The following CPLANE1 variants were observed in gnomAD, a reference collection of about 807,000 sequenced individuals.
The protein encoded by CPLANE1 is ciliogenesis and planar polarity effector complex subunit 1.
Under a neutral mutation model 362.5 loss-of-function variants are expected in CPLANE1, and 263 were observed. The ratio of observed to expected loss-of-function variants is 0.73; its 90% CI spans 0.66 to 0.80. The LOEUF (loss-of-function observed/expected upper bound fraction) is 0.80, where lower values mean the gene tolerates loss of function less well. Among genes scored for constraint, CPLANE1 ranks in the 30% least tolerant of loss-of-function variants. The pLI is 0.00. For missense variants in CPLANE1, 3,461 were observed against 3,793.4 expected (o/e 0.91, Z 2.30); for synonymous variants, 1,212 against 1,302.6 (o/e 0.93, Z 1.50).
In CPLANE1 at chr5:37,129,185, G is replaced by A. The variant is rs979497444; in HGVS notation, c.8793-3776C>T. Reference sequence around the variant, plus strand: ...CACTCTATTCAACAAATGGTGCTGGGATAATTGGCAAGCCACATGTAGAAG... The same window carrying A: ...CACTCTATTCAACAAATGGTGCTGGAATAATTGGCAAGCCACATGTAGAAG... On this transcript the variant is annotated intron_variant, in intron 46 of 52. Coordinates refer to ENST00000651892, the MANE Select transcript of CPLANE1 (RefSeq NM_001384732.1). 7.2e-5 allele frequency among the ~76,000 whole-genome samples: 11 copies of A among 152,170 alleles called. 1 individual carries two copies. The highest frequency in any genetic ancestry group is 3.3e-4 in the Admixed American group (5 of 15,286).
At chr5:37,165,034 AG>A (rs1561461507) in intron 36 of CPLANE1, among the ~76,000 whole-genome samples, 1 of 152,170 alleles carries the variant, frequency 6.6e-6, no homozygotes, top group East Asian at 1.9e-4. Context: ...CGAGCCCAGG[AG>A]GTAGAGGCTG....
chr5:37,242,908 G>A (rs1056993475), intron 6 of CPLANE1, 105 bp downstream of exon 6: 1 of 697,090 alleles, frequency 1.4e-6, no homozygotes, highest in Non-Finnish European at 2.4e-6. Context: ...AGGAGGCTGA[G>A]CTATGATTGT....
rs1377687869 is a variant in CPLANE1, at chr5:37,148,179, A to G, written c.8461+2T>C. The G allele has an allele frequency of 6.2e-7, 1 of 1,610,962 alleles. No homozygotes were observed. The highest frequency in any genetic ancestry group is 8.5e-7 in the Non-Finnish European group (1 of 1,178,038). On this transcript the variant is annotated splice_donor_variant, in intron 43 of 52. Coordinates refer to ENST00000651892, the MANE Select transcript of CPLANE1 (RefSeq NM_001384732.1). LOFTEE classifies it high-confidence loss of function. The stretch of plus-strand genomic sequence containing the variant: ...AGCCAGCCCCTATCAGCCCCTACAA[A>G]CCTTCTTCAGAAATGCTAATGGTTT...
the CPLANE1 span, chr5:37,085,470 G>A: frequency 3.4e-5 from 28 of 832,822 alleles, no homozygotes; most frequent in Non-Finnish European, 5.6e-5. Flanking sequence ...CCCTCATCTG[G>A]TGACTCATGA....
the CPLANE1 span, among the ~76,000 whole-genome samples, chr5:37,083,095 A>G: frequency 6.6e-6 from 1 of 152,176 alleles, no homozygotes. Context: ...GACAGTTCAC[A>G]TCACAGGACT....
At chr5:37,122,837 C>T (rs1191903323) in intron 47 of CPLANE1, among the ~76,000 whole-genome samples, 2 of 151,824 alleles carry the variant, frequency 1.3e-5, no homozygotes, top group Non-Finnish European at 2.9e-5. Flanking sequence ...GCTGAGATAG[C>T]GCCACTGCAC....
intron 51 of CPLANE1, among the ~76,000 whole-genome samples, chr5:37,111,659 T>C (rs1178638727): frequency 6.6e-6 from 1 of 152,146 alleles, no homozygotes; most frequent in Non-Finnish European, 1.5e-5. Context: ...CTAACATCAT[T>C]TGGTAGCACC....
At chr5:37,157,279 G>A (rs1211868617) in intron 41 of CPLANE1, 34 bp downstream of exon 41, 1 of 1,233,774 alleles carries the variant, frequency 8.1e-7, no homozygotes, top group East Asian at 4.7e-5. Flanking sequence ...CAGTAATTCA[G>A]GAGAGGGTCA....
intron 46 of CPLANE1, among the ~76,000 whole-genome samples, chr5:37,137,451 C>A (rs968532866): frequency 6.6e-6 from 1 of 152,212 alleles, no homozygotes; most frequent in Admixed American, 6.5e-5. Flanking sequence ...CTGCCTGTTA[C>A]CCAGTTCCAA....
At chr5:37,184,718 G>T in intron 25 of CPLANE1, 70 bp downstream of exon 25, 2 of 1,365,446 alleles carry the variant, frequency 1.5e-6, no homozygotes, top group Non-Finnish European at 1.0e-6. Context: ...CCAGAAATCA[G>T]CTCATCAGAT....
the CPLANE1 span, among the ~76,000 whole-genome samples, chr5:37,093,918 A>T: frequency 6.6e-6 from 1 of 152,086 alleles, no homozygotes; most frequent in Non-Finnish European, 1.5e-5. Flanking sequence ...ATTAACAGGA[A>T]TGTAGAGTAG....
rs758569421 is a variant in CPLANE1, at chr5:37,142,478, G to A, written c.8464C>T (p.Arg2822Cys). The A allele has an allele frequency of 1.3e-5, 20 of 1,576,564 alleles. No homozygotes were observed. Among genetic ancestry groups the A allele is most frequent in the Non-Finnish European group, 1.5e-5 (18 of 1,161,758 alleles). The change falls in exon 44 of 53, where the codon CGT becomes TGT. Residue 2822 changes from arginine (R) to cysteine (C), a missense_variant and splice_region_variant. Around this residue, in one of 2 missense-constraint regions of CPLANE1, gnomAD observed 3,380 missense variants for 3,666.1 expected, o/e 0.92. Transcript: ENST00000651892. ...TCTTCATCCATATGGGTCAAAAAACGCACTAATCCAGAGTATATATTACAA... is the reference window on the plus strand; with the variant it reads ...TCTTCATCCATATGGGTCAAAAAACACACTAATCCAGAGTATATATTACAA... Reference protein sequence around the residue: ...SKTISISEEVRFLTHMDEEDQ... With the variant: ...SKTISISEEVCFLTHMDEEDQ...
intron 6 of CPLANE1, among the ~76,000 whole-genome samples, chr5:37,240,471 C>T (rs1581020460): frequency 1.3e-5 from 2 of 152,148 alleles, no homozygotes; most frequent in Non-Finnish European, 2.9e-5. Flanking sequence ...AGCTTTTAAC[C>T]ACGGCAGAAA....
intron 51 of CPLANE1, 109 bp downstream of exon 51, chr5:37,114,851 A>G: frequency 1.6e-6 from 1 of 642,890 alleles, no homozygotes; most frequent in South Asian, 2.0e-5. Flanking sequence ...GTGAGCCGAC[A>G]TTGCACCACT....
chr5:37,226,413 G>C lies in CPLANE1; in HGVS notation c.2182C>G (p.Pro728Ala), dbSNP rs1467926733. 1.1e-5 allele frequency: 17 copies of C among 1,550,168 alleles called. No homozygotes were observed. The highest frequency in any genetic ancestry group is 1.5e-5 in the Non-Finnish European group (17 of 1,146,578). Reference sequence around the variant, plus strand: ...CTATCTTGAAACATCTGAAAAATAGGTACCACCAATGAGTCTTGAGCTGTT... The same window carrying C: ...CTATCTTGAAACATCTGAAAAATAGCTACCACCAATGAGTCTTGAGCTGTT... Reference protein sequence around the residue: ...KITAQDSLVVPIFQMFQDSGF... With the variant: ...KITAQDSLVVAIFQMFQDSGF... Residue 728 changes from proline to alanine, a missense_variant, in exon 12 of 53, where the codon CCT becomes GCT. Transcript: ENST00000651892.
chr5:37,181,428 C>T (rs1376011714), intron 26 of CPLANE1, among the ~76,000 whole-genome samples: 1 of 152,136 alleles, frequency 6.6e-6, no homozygotes, highest in East Asian at 1.9e-4. Context: ...CTTAAAATTT[C>T]CATATACATT....
At chr5:37,140,586 A>G (rs1769375757) in intron 44 of CPLANE1, 6 of 985,432 alleles carry the variant, frequency 6.1e-6, no homozygotes, top group Non-Finnish European at 6.0e-6. Context: ...ACTTTCTATC[A>G]GTATTTGAGA....
Position 37,209,338 on chromosome 5 carries a change from C to T in CPLANE1, c.2921-2913G>A, listed in dbSNP as rs1468630413. The stretch of plus-strand genomic sequence containing the variant: ...TCGGGCCACGGCGGGGCGAGCGAGG[C>T]GGGCTCCGGAGGAAGCTGACGGCTG... On this transcript the variant is annotated intron_variant, in intron 16 of 52. Coordinates refer to ENST00000651892, the MANE Select transcript of CPLANE1 (RefSeq NM_001384732.1). The surrounding 1 kb of genome is among the most constrained non-coding windows in gnomAD (Gnocchi z 4.6). The T allele has an allele frequency of 3.3e-6, 3 of 901,544 alleles. No individual in the cohort carries two copies. The African/African-American group carries it at 4.9e-5, about 15-fold the overall frequency. 55.8% of individuals were successfully genotyped at this position (901,544 alleles called of 1,614,324 possible).
intron 38 of CPLANE1, among the ~76,000 whole-genome samples, chr5:37,158,864 T>C (rs1002347493): frequency 1.3e-5 from 2 of 151,136 alleles, no homozygotes; most frequent in African/African-American, 2.4e-5. Flanking sequence ...TCTAAGCTCA[T>C]TGCAACCTCC....
Sources: allele counts gnomAD v4.1 joint callset (sites outside exome capture counted in the v4.1 genomes callset), GRCh38; gene constraint gnomAD v4.1.1; regional missense constraint gnomAD v4.1.1; non-coding constraint Gnocchi (gnomAD v3.1); transcripts MANE v1.5; gene names NCBI Gene and HGNC (gene_info 2026-07-23, HGNC 2026-07-21).